CDH3: variants seen among roughly 807,000 people sequenced by gnomAD.
CDH3 encodes cadherin 3, also known as cadherin-3.
CDH3 carries 54 observed loss-of-function variants against 82.0 expected under a neutral mutation model. The observed-to-expected ratio is 0.66, with a 90% confidence interval of 0.53 to 0.83. The LOEUF (loss-of-function observed/expected upper bound fraction) is 0.83. Ranked by LOEUF, CDH3 falls within the 40% of genes least tolerant of loss-of-function variation. CDH3 has a pLI of 0.00. For synonymous variants in CDH3, 446 were observed against 437.9 expected (o/e 1.02, Z -0.23); for missense variants, 1,054 against 1,084.6 (o/e 0.97, Z 0.40).
At chr16:68,705,260 CA>C (rs375960170), downstream of CDH3, among the ~76,000 whole-genome samples, 36 of 152,230 alleles carry the variant, frequency 2.4e-4, no homozygotes, top group East Asian at 7.0e-3. Context: ...TGGCTTCCTG[CA>C]AGGTGGAGTT....
rs1567436216 is a variant in CDH3 at position 68,652,027 on chromosome 16, T to G, written c.160+6277T>G. The G allele has an allele frequency of 4.2e-5, 9 of 212,432 alleles. 1 individual carries two copies. In the South Asian group the frequency reaches 7.2e-4, roughly 17 times the overall value. The allele number at this position is 212,432 out of a possible 1,614,324, so 13.2% of individuals were successfully genotyped here. A position where few individuals can be genotyped will look rare whatever the true frequency, so the allele number is the denominator to read the frequency against. ...CGGGCCCTAATTTAGTAATTTTCTG[T>G]GCTTATGGGCTGCCCTGCAAAGCAG... On this transcript the variant is annotated intron_variant, in intron 2 of 15. Transcript: ENST00000264012.
chr16:68,679,961 G>T lies in CDH3; in HGVS notation c.854G>T (p.Gly285Val), dbSNP rs753255861. 3.5e-5 allele frequency: 56 copies of T among 1,614,032 alleles called. No individual in the cohort carries two copies. Among genetic ancestry groups the T allele is most frequent in the Non-Finnish European group, 4.6e-5 (54 of 1,180,010 alleles). ...STGTISVISS[G>V]LDREKVPEYT... ...GGCACCATCAGCGTCATCTCCAGTG[G>T]CCTGGACCGGGAAGTGAGTGGCCCT... The change falls in exon 7 of 16, where the codon GGC becomes GTC. Residue 285 changes from glycine (G) to valine (V), a missense_variant. Transcript: ENST00000264012.
intron 1 of CDH3, among the ~76,000 whole-genome samples, chr16:68,708,585 C>G (rs1345869043): frequency 6.6e-6 from 1 of 152,108 alleles, no homozygotes; most frequent in Admixed American, 6.6e-5. Context: ...AGCCCTGCAC[C>G]CCCCAATGCT....
At chr16:68,683,512 C>T (rs954438584) in intron 9 of CDH3, among the ~76,000 whole-genome samples, 22 of 151,308 alleles carry the variant, frequency 1.5e-4, no homozygotes, top group African/African-American at 5.3e-4. Context: ...ATTAGCTGGG[C>T]GTGGTGGCAG....
intron 15 of CDH3, 34 bp from the exon 16 acceptor site, chr16:68,698,157 G>A (rs751983617): frequency 7.5e-6 from 12 of 1,607,054 alleles, no homozygotes; most frequent in Admixed American, 3.3e-5. Flanking sequence ...GGCAGGACCC[G>A]CCGCTCCTAA....
downstream of CDH3, among the ~76,000 whole-genome samples, chr16:68,702,758 G>A (rs936368180): frequency 3.9e-5 from 6 of 152,002 alleles, no homozygotes; most frequent in Admixed American, 1.3e-4. Flanking sequence ...CCAGCTACTC[G>A]GGAGGCTGAG....
At chr16:68,731,384 AAAAAAAAAAAAATATAT>A (rs1361015072), downstream of CDH3, among the ~76,000 whole-genome samples, 1 of 26,554 alleles carries the variant, frequency 3.8e-5, no homozygotes, top group Non-Finnish European at 7.3e-5. Context: ...AAAAAAAAAA[AAAAAAAAAAAAATATAT>A]ATATATATAT....
chr16:68,691,738 CCCTGAAGAAGTT>C lies in CDH3; in HGVS notation c.1822_1833del (p.Lys608_Lys611del), dbSNP rs1961580537. 6.2e-7 allele frequency: 1 copy of C among 1,613,998 alleles called. No homozygotes were observed. The highest frequency in any genetic ancestry group is 8.5e-7 in the Non-Finnish European group (1 of 1,179,886). ...ACTCCAGGTGACACAGTGGTCTTGT[CCCTGAAGAAGTT>C]CCTGAAGCAGGATACATATGACGTG... On this transcript the variant is annotated inframe_deletion, in exon 13 of 16. Transcript: ENST00000264012.
chr16:68,711,302 TC>T (rs2152110095), intron 1 of CDH3, among the ~76,000 whole-genome samples: 1 of 138,332 alleles, frequency 7.2e-6, no homozygotes, highest in East Asian at 2.1e-4. Flanking sequence ...AAAGTGAAAC[TC>T]CAGCAGAGAG....
chr16:68,687,400 C>A, intron 11 of CDH3, 112 bp from the exon 12 acceptor site: 1 of 774,322 alleles, frequency 1.3e-6, no homozygotes, highest in Non-Finnish European at 2.3e-6. Flanking sequence ...GTATTGGAAG[C>A]AAGGGCATGG....
intron 1 of CDH3, among the ~76,000 whole-genome samples, chr16:68,713,006 C>G (rs1962049166): frequency 6.6e-6 from 1 of 152,038 alleles, no homozygotes; most frequent in South Asian, 2.1e-4. Flanking sequence ...TAAGCAGCCC[C>G]CTCGCAGCCA....
chr16:68,721,833 T>C (rs1355255859), intron 1 of CDH3, among the ~76,000 whole-genome samples: 1 of 152,188 alleles, frequency 6.6e-6, no homozygotes, highest in Non-Finnish European at 1.5e-5. Flanking sequence ...CTCACGCCTG[T>C]AATTCTAGCA....
In CDH3 at chr16:68,721,272, G is replaced by A. The variant is rs1962161744; in HGVS notation, c.100-1153G>A. On this transcript the variant is annotated intron_variant, in intron 1 of 2. Coordinates refer to the CDH3 transcript ENST00000569080. ...TTTGAGATGGAGTCTCGCTGTTGTC[G>A]GCCTGGGCTGGAGTGCAGTAGCACG... Among the ~76,000 whole-genome samples, 2 of 132,352 alleles carry A rather than the reference G, an allele frequency of 1.5e-5. 1 individual carries two copies. Among genetic ancestry groups the A allele is most frequent in the South Asian group, 4.7e-4 (2 of 4,234 alleles). 86.8% of individuals were successfully genotyped at this position (132,352 alleles called of 152,430 possible).
At chr16:68,732,001 A>G (rs1962297909), downstream of CDH3, among the ~76,000 whole-genome samples, 1 of 151,818 alleles carries the variant, frequency 6.6e-6, no homozygotes, top group Admixed American at 6.6e-5. Flanking sequence ...ATTATACTAT[A>G]TGTAGTGTGT....
intron 1 of CDH3, among the ~76,000 whole-genome samples, chr16:68,717,964 T>C (rs1484930125): frequency 6.6e-6 from 1 of 152,052 alleles, no homozygotes; most frequent in Non-Finnish European, 1.5e-5. Context: ...AAATAAACTT[T>C]TTCTTTTTCC....
At chr16:68,717,525 C>T (rs935521225) in intron 1 of CDH3, among the ~76,000 whole-genome samples, 9 of 152,126 alleles carry the variant, frequency 5.9e-5, no homozygotes, top group Admixed American at 3.9e-4. Context: ...GTAATTCCAG[C>T]GCTTTGGGAG....
At chr16:68,661,903 C>A (rs1474085367) in intron 2 of CDH3, among the ~76,000 whole-genome samples, 1 of 152,196 alleles carries the variant, frequency 6.6e-6, no homozygotes, top group Non-Finnish European at 1.5e-5. Context: ...GTTGGCCAGG[C>A]TGGTAGTGAA....
chr16:68,647,701 A>C (rs547228311), intron 2 of CDH3, among the ~76,000 whole-genome samples: 1 of 152,222 alleles, frequency 6.6e-6, no homozygotes, highest in East Asian at 1.9e-4. Context: ...TGGTCCCAAT[A>C]AATTGGGACT....
At chr16:68,697,793 C>G (rs986254861) in intron 15 of CDH3, among the ~76,000 whole-genome samples, 3 of 152,124 alleles carry the variant, frequency 2.0e-5, no homozygotes, top group Non-Finnish European at 2.9e-5. Flanking sequence ...TAAAACTATA[C>G]GGAGGCACAT....
Sources: allele counts gnomAD v4.1 joint callset (sites outside exome capture counted in the v4.1 genomes callset), GRCh38; gene constraint gnomAD v4.1.1; transcripts MANE v1.5; gene names NCBI Gene and HGNC (gene_info 2026-07-23, HGNC 2026-07-21).